CSMD1: variants seen among roughly 807,000 people sequenced by gnomAD.
CSMD1 encodes the protein CUB and Sushi multiple domains 1.
A neutral mutation model predicts 417.5 loss-of-function variants in CSMD1; 213 were observed. The ratio of observed to expected loss-of-function variants is 0.51; its 90% CI spans 0.46 to 0.57. The LOEUF is 0.57. CSMD1 is among the 20% of genes least tolerant of loss of function. The probability of loss-of-function intolerance (pLI) is 0.00; values close to 1 mark genes in which losing one functional copy is unlikely to be tolerated. For missense variants in CSMD1, 6,923 were observed against 4,529.7 expected (o/e 1.53, Z -15.17); for synonymous variants, 2,862 against 1,736.8 (o/e 1.65, Z -16.11).
intron 2 of CSMD1, among the ~76,000 whole-genome samples, chr8:4,432,725 G>C (rs1027814779): frequency 6.6e-6 from 1 of 152,122 alleles, no homozygotes; most frequent in Non-Finnish European, 1.5e-5. Flanking sequence ...ACTCCTGAAA[G>C]TTCACAGGAG....
intron 3 of CSMD1, among the ~76,000 whole-genome samples, chr8:4,332,754 G>A (rs1258528693): frequency 6.6e-6 from 1 of 151,950 alleles, no homozygotes; most frequent in African/African-American, 2.4e-5. Flanking sequence ...AGACACATAT[G>A]TAATGGCATG....
At chr8:3,759,425 C>G (rs1327847418) in intron 5 of CSMD1, among the ~76,000 whole-genome samples, 4 of 152,106 alleles carry the variant, frequency 2.6e-5, no homozygotes, top group Non-Finnish European at 5.9e-5. Context: ...TGAAGATCTA[C>G]CGCTGTTGGA....
intron 5 of CSMD1, among the ~76,000 whole-genome samples, chr8:3,830,726 T>C (rs1246832334): frequency 6.6e-6 from 1 of 152,186 alleles, no homozygotes; most frequent in Non-Finnish European, 1.5e-5. Flanking sequence ...GAACTTTGTG[T>C]TTATTAAAAT....
Position 4,506,345 on chromosome 8 carries a change from C to G in CSMD1, c.303-86280G>C, listed in dbSNP as rs560391934. ...CACTGAAACCCACGGTGGGTTAGAC[C>G]GTAGCACCCAGACTCCTTTTCCATG... On this transcript the variant is annotated intron_variant, in intron 2 of 69. Coordinates refer to ENST00000635120, the MANE Select transcript of CSMD1 (RefSeq NM_033225.6). Among the ~76,000 whole-genome samples, 224 of 152,016 alleles carry G rather than the reference C, an allele frequency of 1.5e-3. 1 individual carries two copies. The highest frequency in any genetic ancestry group is 2.6e-3 in the Non-Finnish European group (174 of 67,990).
At chr8:3,382,642 T>C (rs1295428753) in intron 18 of CSMD1, among the ~76,000 whole-genome samples, 1 of 146,648 alleles carries the variant, frequency 6.8e-6, no homozygotes, top group East Asian at 2.0e-4. Context: ...TCTCTCTCTA[T>C]ATAGAGATAG....
In CSMD1 at chr8:4,254,109, G is replaced by C. The variant is rs890877695; in HGVS notation, c.415+165844C>G. Among the ~76,000 whole-genome samples the C allele has an allele frequency of 6.6e-5, 10 of 151,876 alleles. No homozygotes were observed. In the East Asian group the frequency reaches 7.8e-4, roughly 12 times the overall value. On this transcript the variant is annotated intron_variant, in intron 3 of 69. Transcript: ENST00000635120. ...TTTTTTTGTGTTTTTAGTAGAGACAGGGTTTCACCGTGTTAGCCAGGGTGG... is the reference window on the plus strand; with the variant it reads ...TTTTTTTGTGTTTTTAGTAGAGACACGGTTTCACCGTGTTAGCCAGGGTGG...
intron 1 of CSMD1, among the ~76,000 whole-genome samples, chr8:4,759,052 G>A (rs557614297): frequency 3.9e-5 from 6 of 152,212 alleles, no homozygotes; most frequent in East Asian, 3.9e-4. Context: ...TTGATGTGCA[G>A]AAAAGTTATT....
intron 7 of CSMD1, among the ~76,000 whole-genome samples, chr8:3,654,350 T>A (rs1227874619): frequency 1.3e-5 from 2 of 152,194 alleles, no homozygotes; most frequent in African/African-American, 4.8e-5. Flanking sequence ...AAGTTTGATG[T>A]CACATTGAAA....
chr8:4,733,208 C>G (rs898243852), intron 1 of CSMD1, among the ~76,000 whole-genome samples: 8 of 152,086 alleles, frequency 5.3e-5, no homozygotes, highest in African/African-American at 1.9e-4. Context: ...CATTACATTC[C>G]AAAACAGACT....
intron 10 of CSMD1, among the ~76,000 whole-genome samples, chr8:3,551,599 T>A (rs866275927): frequency 0.11 from 12,805 of 121,244 alleles, 697 homozygotes; most frequent in African/African-American, 0.27. Context: ...TATATATATT[T>A]TTTTTTTTTT....
At chr8:4,921,104 G>T (rs527793152) in intron 1 of CSMD1, among the ~76,000 whole-genome samples, 1 of 150,514 alleles carries the variant, frequency 6.6e-6, no homozygotes, top group African/African-American at 2.4e-5. Flanking sequence ...GAAAAAAGAA[G>T]AAAGAAAGAA....
rs149933216 is a variant in CSMD1 at position 3,773,317 on chromosome 8, C to T, written c.819-19275G>A. On this transcript the variant is annotated intron_variant, in intron 5 of 69. Transcript: ENST00000635120. ...GAGAGCTGGTAGGATGGGGTCTTGC[C>T]CTGTCACCCAGGCTGGAGTGCAGTG... Among the ~76,000 whole-genome samples the T allele has an allele frequency of 5.0e-4, 76 of 152,192 alleles. 1 individual carries two copies. In the East Asian group the frequency reaches 0.014, roughly 28 times the overall value.
intron 3 of CSMD1, among the ~76,000 whole-genome samples, chr8:4,275,995 A>C (rs967513101): frequency 4.6e-5 from 7 of 152,212 alleles, no homozygotes; most frequent in African/African-American, 1.7e-4. Context: ...GACTGTGGAG[A>C]AATAGGAATG....
intron 3 of CSMD1, among the ~76,000 whole-genome samples, chr8:4,033,000 C>A (rs1439387817): frequency 6.6e-6 from 1 of 152,034 alleles, no homozygotes; most frequent in Non-Finnish European, 1.5e-5. Context: ...CGGAAGCCTG[C>A]TACCTGGAGG....
intron 1 of CSMD1, among the ~76,000 whole-genome samples, chr8:4,638,769 T>G (rs1392459656): frequency 1.3e-5 from 2 of 152,106 alleles, no homozygotes; most frequent in Non-Finnish European, 2.9e-5. Context: ...AGGATTGACA[T>G]GACAATGGGA....
rs188334582 is a variant in CSMD1, at chr8:4,925,691, C to T, written c.85+68641G>A. On this transcript the variant is annotated intron_variant, in intron 1 of 69. Transcript: ENST00000635120. ...CCTCCCAAGTAGCTGGGACTACAGG[C>T]GCCCGCCACCACGCAGGGCTAATTT... is the stretch of plus-strand genomic sequence containing the variant. Among the ~76,000 whole-genome samples the T allele has an allele frequency of 8.1e-3, 1,238 of 152,032 alleles. 11 individuals are homozygous for T. Among genetic ancestry groups the T allele is most frequent in the African/African-American group, 0.028 (1,149 of 41,420 alleles).
intron 5 of CSMD1, among the ~76,000 whole-genome samples, chr8:3,963,471 A>T (rs1322191532): frequency 6.6e-6 from 1 of 152,178 alleles, no homozygotes; most frequent in Non-Finnish European, 1.5e-5. Flanking sequence ...AATGCCTCAT[A>T]ACTGAACATT....
At chr8:4,744,750 G>C (rs780107571) in intron 1 of CSMD1, among the ~76,000 whole-genome samples, 17 of 152,082 alleles carry the variant, frequency 1.1e-4, no homozygotes, top group Non-Finnish European at 1.0e-4. Context: ...AGTGTATGAA[G>C]CTAGGGTTCT....
At chr8:3,835,772 G>T (rs534821113) in intron 5 of CSMD1, among the ~76,000 whole-genome samples, 215 of 150,916 alleles carry the variant, frequency 1.4e-3, no homozygotes, top group Non-Finnish European at 2.5e-3. Flanking sequence ...CCCACCATTT[G>T]GCTAACTCTG....
Sources: allele counts gnomAD v4.1 joint callset (sites outside exome capture counted in the v4.1 genomes callset), GRCh38; gene constraint gnomAD v4.1.1; transcripts MANE v1.5; gene names NCBI Gene and HGNC (gene_info 2026-07-23, HGNC 2026-07-21).